The following XKR6 variants were observed in gnomAD, a reference collection of about 807,000 sequenced individuals.
XKR6 encodes XK-related protein 6.
Under a neutral mutation model 56.7 loss-of-function variants are expected in XKR6, and 22 were observed. The observed-to-expected ratio is 0.39, with a 90% CI of 0.28 to 0.55. XKR6 has a LOEUF of 0.55. Ranked by LOEUF, XKR6 falls within the 20% of genes least tolerant of loss-of-function variation. The pLI is 0.66. For missense variants in XKR6, 852 were observed against 889.0 expected, an observed-to-expected ratio of 0.96 and a Z score of 0.53; for synonymous variants, 524 against 387.8, an observed-to-expected ratio of 1.35 and a Z score of -4.13.
intron 1 of XKR6, among the ~76,000 whole-genome samples, chr8:11,049,039 T>G (rs530099181): frequency 6.6e-6 from 1 of 152,316 alleles, no homozygotes; most frequent in South Asian, 2.1e-4. Flanking sequence ...GACTATGCCC[T>G]AGGTGGTATT....
rs540805861 is a variant in XKR6 at position 11,114,213 on chromosome 8, C to T, written c.764+86363G>A. ...CAGAAAAATGAAAATGTACACATTT[C>T]TACACAGAGAATCACAATCCTATTT... On this transcript the variant is annotated intron_variant, in intron 1 of 2. Coordinates refer to ENST00000416569, the MANE Select transcript of XKR6 (RefSeq NM_173683.4). The T allele has an allele frequency of 1.9e-5, 6 of 308,410 alleles. 1 individual carries two copies. The highest frequency in any genetic ancestry group is 1.6e-4 in the South Asian group (6 of 36,546). 19.1% of individuals were successfully genotyped at this position (308,410 alleles called of 1,614,324 possible). A position where few individuals can be genotyped will look rare whatever the true frequency, so the allele number is the denominator to read the frequency against.
At chr8:10,920,170 A>G (rs1800670488) in intron 2 of XKR6, among the ~76,000 whole-genome samples, 1 of 152,204 alleles carries the variant, frequency 6.6e-6, no homozygotes, top group Non-Finnish European at 1.5e-5. Context: ...TACAGTGGAC[A>G]AGAGTCATTG....
intron 1 of XKR6, among the ~76,000 whole-genome samples, chr8:10,962,565 A>T (rs1330580882): frequency 6.6e-6 from 1 of 152,110 alleles, no homozygotes; most frequent in Non-Finnish European, 1.5e-5. Context: ...ACTTGGTTCA[A>T]TGTTGCTTAT....
At chr8:11,097,598 A>G (rs1798305302) in intron 1 of XKR6, among the ~76,000 whole-genome samples, 1 of 151,998 alleles carries the variant, frequency 6.6e-6, no homozygotes, top group Non-Finnish European at 1.5e-5. Context: ...AACCGAGGTC[A>G]GGAGTTCAAG....
intron 1 of XKR6, among the ~76,000 whole-genome samples, chr8:10,946,203 C>T (rs539994959): frequency 6.6e-6 from 1 of 152,128 alleles, no homozygotes; most frequent in South Asian, 2.1e-4. Flanking sequence ...ACACAGGTTG[C>T]CCATGGGGAA....
chr8:11,026,251 AGCCTACTACACTCTTAATGGTGTT>A (rs1357118833), intron 1 of XKR6, among the ~76,000 whole-genome samples: 11 of 151,346 alleles, frequency 7.3e-5, no homozygotes, highest in Non-Finnish European at 1.5e-4. Context: ...TAGATAGTCT[AGCCTACTACACTCTTAATGGTGTT>A]GCCTACTACA....
At chr8:11,118,399 G>A (rs984819413) in intron 1 of XKR6, among the ~76,000 whole-genome samples, 1 of 152,162 alleles carries the variant, frequency 6.6e-6, no homozygotes, top group Non-Finnish European at 1.5e-5. Flanking sequence ...GCTCCTCCTT[G>A]TACCTCTGGT....
chr8:11,124,016 A>G (rs1799620380), intron 1 of XKR6: 1 of 456,002 alleles, frequency 2.2e-6, no homozygotes, highest in East Asian at 7.0e-5. Context: ...CTGTCTCTTC[A>G]TCAAATCCCA....
chr8:10,986,190 T>A (rs191401870), intron 1 of XKR6, among the ~76,000 whole-genome samples: 61 of 152,312 alleles, frequency 4.0e-4, no homozygotes, highest in African/African-American at 1.4e-3. Context: ...GAGTAGATTA[T>A]TTAATAAGTG....
At chr8:11,080,385 A>C (rs2129169680) in intron 1 of XKR6, among the ~76,000 whole-genome samples, 1 of 152,358 alleles carries the variant, frequency 6.6e-6, no homozygotes, top group Non-Finnish European at 1.5e-5. Context: ...AGGAGAAAAA[A>C]AAAAGAGATC....
intron 1 of XKR6, among the ~76,000 whole-genome samples, chr8:11,014,086 C>T (rs1798559274): frequency 6.6e-6 from 1 of 152,206 alleles, no homozygotes; most frequent in Admixed American, 6.5e-5. Flanking sequence ...TTAAAGGTCC[C>T]CAAATGCCCA....
chr8:10,977,614 C>G (rs1221168977), intron 1 of XKR6, among the ~76,000 whole-genome samples: 2 of 149,436 alleles, frequency 1.3e-5, no homozygotes. Flanking sequence ...CGACTAATTG[C>G]TGTTGCTGTG....
intron 1 of XKR6, chr8:11,137,744 G>T (rs77759554): frequency 2.2e-6 from 1 of 455,720 alleles, no homozygotes; most frequent in Non-Finnish European, 4.4e-6. Flanking sequence ...AGTTGGCTCT[G>T]AATCGAATCC....
chr8:10,978,390 A>G (rs1037711478), intron 1 of XKR6, among the ~76,000 whole-genome samples: 1 of 152,248 alleles, frequency 6.6e-6, no homozygotes, highest in Non-Finnish European at 1.5e-5. Flanking sequence ...GACTTAATAA[A>G]TTTCCATGGA....
intron 1 of XKR6, among the ~76,000 whole-genome samples, chr8:11,130,362 C>T (rs991647110): frequency 6.6e-6 from 1 of 151,596 alleles, no homozygotes; most frequent in Non-Finnish European, 1.5e-5. Context: ...GTTTTATCGC[C>T]ATATCTACAC....
rs34465755 is a variant in XKR6 at position 11,136,504 on chromosome 8, CA to C, written c.764+64071del. On this transcript the variant is annotated intron_variant, in intron 1 of 2. Coordinates refer to ENST00000416569, the MANE Select transcript of XKR6 (RefSeq NM_173683.4). ...GGGCAACAAAAGCGAAACTCTGTCT[CA>C]AAAAAAAAAAAAAAAAAGTCCTACG... 4.0e-3 allele frequency among the ~76,000 whole-genome samples: 442 copies of C among 111,330 alleles called. 2 individuals carry two copies. Among genetic ancestry groups the C allele is most frequent in the East Asian group, 6.6e-3 (16 of 2,416 alleles). 73.0% of individuals were successfully genotyped at this position (111,330 alleles called of 152,430 possible).
intron 1 of XKR6, among the ~76,000 whole-genome samples, chr8:10,928,348 C>T (rs1800957469): frequency 6.6e-6 from 1 of 152,232 alleles, no homozygotes; most frequent in Non-Finnish European, 1.5e-5. Flanking sequence ...AGGATTCTTC[C>T]TCCTCCTAGC....
At position 11,071,697 on chromosome 8, in the gene XKR6, C is replaced by G. The variant is rs1800128272; in HGVS notation, c.764+128879G>C. 2.0e-5 allele frequency among the ~76,000 whole-genome samples: 3 copies of G among 152,056 alleles called. No homozygotes were observed. In the South Asian group the frequency reaches 6.2e-4, roughly 32 times the overall value. Reference sequence around the variant, plus strand: ...AGGCCATGAGCCCGGAGTCTATGAGCCCCGAGTCTATGAGCCCCAAGTCTA... The same window carrying G: ...AGGCCATGAGCCCGGAGTCTATGAGGCCCGAGTCTATGAGCCCCAAGTCTA... On this transcript the variant is annotated intron_variant, in intron 1 of 2. Transcript: ENST00000416569.
intron 1 of XKR6, among the ~76,000 whole-genome samples, chr8:11,169,092 G>T (rs937454307): frequency 6.6e-6 from 1 of 152,180 alleles, no homozygotes; most frequent in Non-Finnish European, 1.5e-5. Context: ...AGGCCAAGCT[G>T]AGTAGGCTTT....
Sources: allele counts gnomAD v4.1 joint callset (sites outside exome capture counted in the v4.1 genomes callset), GRCh38; gene constraint gnomAD v4.1.1; transcripts MANE v1.5; gene names NCBI Gene and HGNC (gene_info 2026-07-23, HGNC 2026-07-21).